The following PITPNC1 variants were observed in gnomAD, a reference collection of about 807,000 sequenced individuals.
PITPNC1 encodes phosphatidylinositol transfer protein cytoplasmic 1.
PITPNC1 carries 18 observed loss-of-function variants against 44.7 expected under a neutral mutation model. The ratio of observed to expected loss-of-function variants is 0.40; its 90% CI spans 0.28 to 0.60. The LOEUF (loss-of-function observed/expected upper bound fraction) is 0.60. Among genes scored for constraint, PITPNC1 ranks in the 20% least tolerant of loss-of-function variants. PITPNC1 has a pLI of 0.39. For synonymous variants in PITPNC1, 141 were observed against 149.6 expected, an observed-to-expected ratio of 0.94 and a Z score of 0.42; for missense variants, 290 against 418.4, an observed-to-expected ratio of 0.69 and a Z score of 2.68.
chr17:67,534,963 G>A (rs146976625), intron 2 of PITPNC1, among the ~76,000 whole-genome samples: 1 of 152,302 alleles, frequency 6.6e-6, no homozygotes, highest in Non-Finnish European at 1.5e-5. Context: ...AGCTTGAATT[G>A]GACTATTCCT....
chr17:67,565,164 T>G (rs929629197), intron 4 of PITPNC1, among the ~76,000 whole-genome samples: 3 of 152,192 alleles, frequency 2.0e-5, no homozygotes, highest in Non-Finnish European at 4.4e-5. Flanking sequence ...TTGCCATGTT[T>G]TCCAGTGTGT....
chr17:67,509,454 T>C (rs1430441274), intron 1 of PITPNC1, among the ~76,000 whole-genome samples: 1 of 151,674 alleles, frequency 6.6e-6, no homozygotes, highest in African/African-American at 2.4e-5. Flanking sequence ...GAAGAATCGC[T>C]TGAACCCAGG....
intron 1 of PITPNC1, among the ~76,000 whole-genome samples, chr17:67,398,249 C>T (rs929622634): frequency 6.6e-6 from 1 of 152,090 alleles, no homozygotes; most frequent in Non-Finnish European, 1.5e-5. Flanking sequence ...AAATAATCAA[C>T]ACATTTTTGC....
intron 4 of PITPNC1, among the ~76,000 whole-genome samples, chr17:67,573,830 G>A (rs2041097025): frequency 6.6e-6 from 1 of 152,008 alleles, no homozygotes; most frequent in Non-Finnish European, 1.5e-5. Flanking sequence ...CAAAGTGCTG[G>A]GATTACAGGC....
rs78910998 is a variant in PITPNC1 at position 67,634,523 on chromosome 17, G to C, written c.462+2285G>C. ...ATGAGCTGAGATCACAACAGAGTGAGAAACTGTCTCAAAAAAAAACAGCAA... is the reference window on the plus strand; with the variant it reads ...ATGAGCTGAGATCACAACAGAGTGACAAACTGTCTCAAAAAAAAACAGCAA... On this transcript the variant is annotated intron_variant, in intron 6 of 8. Coordinates refer to ENST00000581322, the MANE Select transcript of PITPNC1 (RefSeq NM_012417.4). 6.2e-3 allele frequency among the ~76,000 whole-genome samples: 949 copies of C among 152,018 alleles called. 12 individuals carry two copies. Among genetic ancestry groups the C allele is most frequent in the Non-Finnish European group, 9.3e-3 (632 of 67,930 alleles).
chr17:67,508,825 G>A lies in PITPNC1; in HGVS notation c.49-23977G>A, dbSNP rs1220313822. On this transcript the variant is annotated intron_variant, in intron 1 of 8. Coordinates refer to ENST00000581322, the MANE Select transcript of PITPNC1 (RefSeq NM_012417.4). This position sits in a 1 kb window ranked among gnomAD's most constrained non-coding sequence, Gnocchi z 4.2. ...GTGTAGAGTTTCAGTTTGTGGTGAC[G>A]GAACGTTCTAGTGATGGCTGCACAA... Among the ~76,000 whole-genome samples, 2 of 152,152 alleles carry A rather than the reference G, an allele frequency of 1.3e-5. No individual in the cohort carries two copies. The highest frequency in any genetic ancestry group is 6.5e-5 in the Admixed American group (1 of 15,276).
intron 5 of PITPNC1, among the ~76,000 whole-genome samples, chr17:67,627,110 G>A (rs900978463): frequency 5.3e-5 from 8 of 152,104 alleles, no homozygotes; most frequent in African/African-American, 1.2e-4. Context: ...AAAATTAGCC[G>A]GGCGTGGTGA....
At chr17:67,514,609 G>A (rs67903423) in intron 1 of PITPNC1, among the ~76,000 whole-genome samples, 19,016 of 150,302 alleles carry the variant, frequency 0.13, 1,772 homozygotes, top group African/African-American at 0.27. Flanking sequence ...CAGATCACCC[G>A]AGGTCCGGAG....
Position 67,695,368 on chromosome 17 carries a change from C to G in PITPNC1, c.*2480C>G, listed in dbSNP as rs541923257. On this transcript the variant is annotated 3_prime_UTR_variant, in exon 9 of 9. Transcript: ENST00000581322. ...GTTTTCAAGTATCATTTCACATTCT[C>G]TATACATGACTTTGTTATTGTGGAA... 1 of 151,930 alleles carries G rather than the reference C, an allele frequency of 6.6e-6. No individual in the cohort carries two copies. The highest frequency in any genetic ancestry group is 2.1e-4 in the South Asian group (1 of 4,814). The allele number at this position is 151,930 out of a possible 1,614,324, so 9.4% of individuals were successfully genotyped here.
At position 67,676,748 on chromosome 17, in the gene PITPNC1, CATT is replaced by C. The variant is rs776483648; in HGVS notation, c.682+1214_682+1216del. On this transcript the variant is annotated intron_variant, in intron 8 of 8. Coordinates refer to ENST00000581322, the MANE Select transcript of PITPNC1 (RefSeq NM_012417.4). This position sits in a 1 kb window ranked among gnomAD's most constrained non-coding sequence, Gnocchi z 4.0. ...GTTAGACGGAAGGGGCAAAGACAGT[CATT>C]ATTATTAATATTGTTAGCTATTTCT... 6.6e-6 allele frequency among the ~76,000 whole-genome samples: 1 copy of C among 152,012 alleles called. No individual in the cohort carries two copies. The highest frequency in any genetic ancestry group is 1.5e-5 in the Non-Finnish European group (1 of 67,992).
At chr17:67,686,394 C>T (rs1307165928) in intron 8 of PITPNC1, among the ~76,000 whole-genome samples, 7 of 151,636 alleles carry the variant, frequency 4.6e-5, no homozygotes, top group Admixed American at 4.0e-4. Context: ...CAGACTTGGG[C>T]CAAAAATCAT....
chr17:67,533,570 C>T (rs1356742211), intron 2 of PITPNC1, among the ~76,000 whole-genome samples: 6 of 152,276 alleles, frequency 3.9e-5, no homozygotes, highest in African/African-American at 1.4e-4. Flanking sequence ...AGGAAAGAGA[C>T]GGTGCTGCCT....
chr17:67,398,756 A>G (rs2038259972), intron 1 of PITPNC1, among the ~76,000 whole-genome samples: 1 of 152,110 alleles, frequency 6.6e-6, no homozygotes, highest in South Asian at 2.1e-4. Context: ...TGAGCTGATC[A>G]TCACCAGTTG....
intron 8 of PITPNC1, chr17:67,686,956 G>A (rs2042826894): frequency 3.0e-6 from 2 of 669,500 alleles, no homozygotes; most frequent in Admixed American, 2.5e-5. Flanking sequence ...ACAAGTCTCT[G>A]CTTTTTTAAA....
chr17:67,446,095 C>A (rs1374279449), intron 1 of PITPNC1, among the ~76,000 whole-genome samples: 1 of 151,776 alleles, frequency 6.6e-6, no homozygotes, highest in Non-Finnish European at 1.5e-5. Context: ...TACAGGCGTG[C>A]GCCACCATGC....
chr17:67,526,391 C>T (rs548733228), intron 1 of PITPNC1, among the ~76,000 whole-genome samples: 14 of 152,292 alleles, frequency 9.2e-5, no homozygotes, highest in African/African-American at 2.9e-4. Flanking sequence ...TTACTGTACT[C>T]AGAAGTTTTG....
chr17:67,665,042 T>C (rs928960459), intron 6 of PITPNC1, among the ~76,000 whole-genome samples: 7 of 152,300 alleles, frequency 4.6e-5, no homozygotes, highest in African/African-American at 1.2e-4. Context: ...TTTGTGGCTA[T>C]TATGAATTAG....
intron 1 of PITPNC1, among the ~76,000 whole-genome samples, chr17:67,413,459 A>G (rs1239940100): frequency 3.9e-5 from 3 of 77,738 alleles, no homozygotes; most frequent in Non-Finnish European, 7.8e-5. Flanking sequence ...CTATATAAAA[A>G]ATAGAGAGAA....
intron 5 of PITPNC1, among the ~76,000 whole-genome samples, chr17:67,628,835 G>T (rs953985495): frequency 3.9e-5 from 6 of 152,200 alleles, no homozygotes; most frequent in African/African-American, 1.4e-4. Context: ...TGCAGCTGGG[G>T]CAGAGCATGA....
Sources: gnomAD v4.1 joint callset for allele counts (sites outside exome capture counted in the v4.1 genomes callset) on GRCh38, gnomAD v4.1.1 for gene constraint, Gnocchi (gnomAD v3.1) non-coding constraint, MANE v1.5 for transcripts, NCBI Gene and HGNC (gene_info 2026-07-23, HGNC 2026-07-21) for gene names.